Variants in STAC observed in about 807,000 individuals in gnomAD.
The protein encoded by STAC is SH3 and cysteine rich domain, also known as SH3 and cysteine-rich domain-containing protein.
A neutral mutation model predicts 48.8 loss-of-function variants in STAC; 43 were observed. The observed-to-expected ratio is 0.88, with a 90% CI of 0.69 to 1.14. The LOEUF is 1.14. Ranked by LOEUF, STAC falls within the 50% of genes most tolerant of loss-of-function variation. The pLI, the probability that STAC is intolerant of heterozygous loss-of-function variation, is 0.00. For missense variants in STAC, 497 were observed against 504.0 expected (o/e 0.99, Z 0.13); for synonymous variants, 193 against 179.5 (o/e 1.07, Z -0.60).
chr3:36,449,095 G>A (rs897639287), intron 2 of STAC, among the ~76,000 whole-genome samples: 1 of 151,986 alleles, frequency 6.6e-6, no homozygotes, highest in African/African-American at 2.4e-5. Flanking sequence ...CTCCAGCCTG[G>A]GCAACGGAGT....
At chr3:36,409,368 A>G (rs940148965) in intron 1 of STAC, 3 of 152,198 alleles carry the variant, frequency 2.0e-5, no homozygotes, top group African/African-American at 7.2e-5. Context: ...GGTTGTAAGG[A>G]GGTAAATAGA....
intron 2 of STAC, among the ~76,000 whole-genome samples, chr3:36,444,924 T>C (rs909499383): frequency 6.6e-6 from 1 of 152,192 alleles, no homozygotes; most frequent in African/African-American, 2.4e-5. Flanking sequence ...TCACGTCTCA[T>C]GCTCAACAAT....
intron 1 of STAC, among the ~76,000 whole-genome samples, chr3:36,414,583 T>G (rs1381374874): frequency 6.6e-6 from 1 of 152,168 alleles, no homozygotes; most frequent in Non-Finnish European, 1.5e-5. Context: ...CATCTAATCT[T>G]TTTTCAAGGT....
chr3:36,509,324 T>C (rs1698479688), intron 8 of STAC, among the ~76,000 whole-genome samples: 1 of 152,210 alleles, frequency 6.6e-6, no homozygotes, highest in Admixed American at 6.5e-5. Flanking sequence ...TCTCTCTGGC[T>C]GCGCTTAACA....
At chr3:36,456,527 C>T (rs1696861190) in intron 2 of STAC, among the ~76,000 whole-genome samples, 1 of 152,276 alleles carries the variant, frequency 6.6e-6, no homozygotes, top group African/African-American at 2.4e-5. Context: ...TTGCTCCCTG[C>T]TGTATAGGGA....
chr3:36,454,973 A>G (rs1455904040), intron 2 of STAC, among the ~76,000 whole-genome samples: 1 of 152,176 alleles, frequency 6.6e-6, no homozygotes, highest in African/African-American at 2.4e-5. Context: ...CTGCCCCTAA[A>G]AAGAGACTTG....
Position 36,542,986 on chromosome 3 carries a change from A to G in STAC, c.1111-3205A>G, listed in dbSNP as rs987278576. On this transcript the variant is annotated intron_variant, in intron 10 of 10. Transcript: ENST00000273183. Reference sequence around the variant, plus strand: ...ATCCTTAGGCAATGAAAATATCTCTAACTGTACCTGATGAGTAAAACATTT... The same window carrying G: ...ATCCTTAGGCAATGAAAATATCTCTGACTGTACCTGATGAGTAAAACATTT... Among the ~76,000 whole-genome samples, 3 of 152,188 alleles carry G rather than the reference A, an allele frequency of 2.0e-5. No homozygotes were observed. The South Asian group carries it at 6.2e-4, about 32-fold the overall frequency.
chr3:36,398,316 A>AAAGCAAGC lies in STAC; in HGVS notation c.111+17569_111+17570insCAAGCAAG, dbSNP rs58878974. On this transcript the variant is annotated intron_variant, in intron 1 of 10. Transcript: ENST00000273183. ...TTAAAAAAGAAAGAAAGAAAGAAAG[A>AAAGCAAGC]AAGCAAGAAAGAAAGAAAGAAAGAA... Among the ~76,000 whole-genome samples, 9 of 100,358 alleles carry AAAGCAAGC rather than the reference A, an allele frequency of 9.0e-5. 1 individual carries two copies. Among genetic ancestry groups the AAAGCAAGC allele is most frequent in the East Asian group, 8.7e-4 (3 of 3,458 alleles). 65.8% of individuals were successfully genotyped at this position (100,358 alleles called of 152,430 possible). A position where few individuals can be genotyped will look rare whatever the true frequency, so the allele number is the denominator to read the frequency against.
chr3:36,506,109 G>A (rs777139387), intron 8 of STAC: 73 of 255,640 alleles, frequency 2.9e-4, no homozygotes, highest in Admixed American at 3.6e-4. Context: ...ACTTTGGGAA[G>A]CACCACTTTA....
At chr3:36,545,151 G>A (rs572018598) in intron 10 of STAC, among the ~76,000 whole-genome samples, 4 of 152,298 alleles carry the variant, frequency 2.6e-5, no homozygotes, top group Middle Eastern at 3.4e-3. Context: ...AGGGCCTTAT[G>A]AGACAGCAGG....
In STAC at chr3:36,519,628, G is replaced by A. The variant is rs533110164; in HGVS notation, c.921-9068G>A. On this transcript the variant is annotated intron_variant, in intron 8 of 10. Transcript: ENST00000273183. ...TAGGTTTGTTAAGTATGGTTGCTAA[G>A]ACCAGGAAGTTTGTGATCTACAGAG... Among the ~76,000 whole-genome samples, 9 of 152,314 alleles carry A rather than the reference G, an allele frequency of 5.9e-5. No homozygotes were observed. In the South Asian group the frequency reaches 1.9e-3, roughly 32 times the overall value.
At chr3:36,515,372 G>A (rs1273052614) in intron 8 of STAC, among the ~76,000 whole-genome samples, 1 of 152,138 alleles carries the variant, frequency 6.6e-6, no homozygotes, top group African/African-American at 2.4e-5. Context: ...TATTTTGCCA[G>A]GGTTGAGAAT....
At chr3:36,465,292 G>A (rs9850763) in intron 2 of STAC, among the ~76,000 whole-genome samples, 2 of 152,110 alleles carry the variant, frequency 1.3e-5, no homozygotes, top group Non-Finnish European at 2.9e-5. Flanking sequence ...GTCCTTAACC[G>A]ACTTTTTGAT....
chr3:36,491,464 T>C (rs1697964914), intron 5 of STAC, among the ~76,000 whole-genome samples: 1 of 152,230 alleles, frequency 6.6e-6, no homozygotes, highest in Admixed American at 6.5e-5. Context: ...AATGAAATTC[T>C]GTACAAACCA....
chr3:36,439,061 T>A (rs566959378), intron 1 of STAC, among the ~76,000 whole-genome samples: 4 of 152,252 alleles, frequency 2.6e-5, no homozygotes, highest in Admixed American at 2.6e-4. Flanking sequence ...GGGTGATGAC[T>A]CTCCTCCACT....
At chr3:36,466,742 T>C (rs2125688177) in intron 2 of STAC, among the ~76,000 whole-genome samples, 1 of 152,328 alleles carries the variant, frequency 6.6e-6, no homozygotes, top group East Asian at 1.9e-4. Context: ...CTAGGAGCTT[T>C]TTGGATGACT....
At chr3:36,534,874 CAGGCTGGTCTCGA>C (rs1357281874) in intron 10 of STAC, among the ~76,000 whole-genome samples, 1 of 152,084 alleles carries the variant, frequency 6.6e-6, no homozygotes, top group African/African-American at 2.4e-5. Context: ...ACATGTTGCT[CAGGCTGGTCTCGA>C]AGTCCTAGAC....
intron 6 of STAC, among the ~76,000 whole-genome samples, chr3:36,496,621 C>T (rs1407946218): frequency 6.6e-6 from 1 of 152,154 alleles, no homozygotes; most frequent in East Asian, 1.9e-4. Context: ...ATAAATGATC[C>T]TTGGCAGGTC....
intron 2 of STAC, among the ~76,000 whole-genome samples, chr3:36,453,267 G>A (rs929706882): frequency 6.6e-6 from 1 of 152,250 alleles, no homozygotes; most frequent in Non-Finnish European, 1.5e-5. Context: ...CCTTCAGCCC[G>A]CCGCTGCACT....
Sources: allele counts gnomAD v4.1 joint callset (sites outside exome capture counted in the v4.1 genomes callset), GRCh38; gene constraint gnomAD v4.1.1; transcripts MANE v1.5; gene names NCBI Gene and HGNC (gene_info 2026-07-23, HGNC 2026-07-21).